The following CFDP1 variants were observed in gnomAD, a reference collection of about 807,000 sequenced individuals.
CFDP1 encodes heterochromatin-stabilizing protein CFDP1.
In CFDP1, 31 loss-of-function variants were observed where a neutral mutation model predicts 40.1. The observed-to-expected ratio is 0.77, with a 90% confidence interval of 0.58 to 1.04. The LOEUF (loss-of-function observed/expected upper bound fraction) is 1.04, where lower values mean the gene tolerates loss of function less well. Ranked by LOEUF, CFDP1 falls within the 50% of genes least tolerant of loss-of-function variation. The pLI is 0.00. For synonymous variants in CFDP1, 167 were observed against 120.0 expected (o/e 1.39, Z -2.56); for missense variants, 423 against 343.4 (o/e 1.23, Z -1.83).
At position 75,380,610 on chromosome 16, in the gene CFDP1, A is replaced by C. The variant is rs188844685; in HGVS notation, c.650+14480T>G. Among the ~76,000 whole-genome samples, 8 of 152,322 alleles carry C rather than the reference A, an allele frequency of 5.3e-5. No individual in the cohort carries two copies. The East Asian group carries it at 9.6e-4, about 18-fold the overall frequency. ...AGGAACAGAGAAGAAAGTGTATCTAAGCTTTTGGGCTGTAGCGGGTAGGAA... is the reference window on the plus strand; with the variant it reads ...AGGAACAGAGAAGAAAGTGTATCTACGCTTTTGGGCTGTAGCGGGTAGGAA... On this transcript the variant is annotated intron_variant, in intron 5 of 6. Coordinates refer to ENST00000283882, the MANE Select transcript of CFDP1 (RefSeq NM_006324.3).
intron 1 of CFDP1, among the ~76,000 whole-genome samples, chr16:75,420,031 G>C (rs1290375030): frequency 4.1e-5 from 6 of 147,612 alleles, no homozygotes; most frequent in African/African-American, 1.5e-4. Flanking sequence ...TCAGGTAACA[G>C]GTAGTCTCAG....
At chr16:75,414,716 G>T in intron 1 of CFDP1, 21 bp from the exon 2 acceptor site, 5 of 1,462,532 alleles carry the variant, frequency 3.4e-6, no homozygotes, top group South Asian at 2.3e-5. Context: ...ATAACAGGGT[G>T]ATCAGACAGG....
chr16:75,431,246 G>C (rs145836037), intron 1 of CFDP1, among the ~76,000 whole-genome samples: 1 of 151,862 alleles, frequency 6.6e-6, no homozygotes, highest in African/African-American at 2.4e-5. Flanking sequence ...GAGGTCAGGA[G>C]TTTGAAACAA....
intron 5 of CFDP1, among the ~76,000 whole-genome samples, chr16:75,386,137 T>TAA (rs528576218): frequency 6.8e-6 from 1 of 147,186 alleles, no homozygotes; most frequent in African/African-American, 2.5e-5. Flanking sequence ...AAAGTAAAAT[T>TAA]AAAAAAAAAA....
chr16:75,433,270 C>T lies in CFDP1; in HGVS notation c.64+19G>A, dbSNP rs756591611. On this transcript the variant is annotated intron_variant, in intron 1 of 6. Coordinates refer to ENST00000283882, the MANE Select transcript of CFDP1 (RefSeq NM_006324.3). The stretch of plus-strand genomic sequence containing the variant: ...TGGGGCGGGGCAATTCGCTTCTCGC[C>T]TCAGGCGGAATCGCTCACCCGACGG... 6 of 1,589,534 alleles carry T rather than the reference C, an allele frequency of 3.8e-6. No individual in the cohort carries two copies. Among genetic ancestry groups the T allele is most frequent in the Admixed American group, 1.7e-5 (1 of 58,298 alleles).
At chr16:75,385,475 G>A (rs11149818) in intron 5 of CFDP1, among the ~76,000 whole-genome samples, 73,943 of 151,740 alleles carry the variant, frequency 0.49, 19,774 homozygotes, top group Admixed American at 0.63. Context: ...CAAAGTTTTT[G>A]TATCCCAAGG....
At chr16:75,384,948 C>T (rs1235779586) in intron 5 of CFDP1, among the ~76,000 whole-genome samples, 3 of 133,198 alleles carry the variant, frequency 2.3e-5, no homozygotes, top group Non-Finnish European at 4.8e-5. Context: ...TAAGTATCTA[C>T]GAATGCAATA....
chr16:75,333,593 T>C (rs1342688088), intron 5 of CFDP1, among the ~76,000 whole-genome samples: 1 of 152,250 alleles, frequency 6.6e-6, no homozygotes, highest in African/African-American at 2.4e-5. Context: ...TTAGCAAATG[T>C]AGAACCATTA....
At chr16:75,363,099 T>TTAAG (rs1490447560) in intron 5 of CFDP1, 14 of 152,028 alleles carry the variant, frequency 9.2e-5, no homozygotes, top group African/African-American at 3.4e-4. Flanking sequence ...GACACAAGCG[T>TTAAG]TAAGTTAGTA....
intron 5 of CFDP1, among the ~76,000 whole-genome samples, chr16:75,360,167 T>C (rs774519412): frequency 2.6e-5 from 4 of 152,188 alleles, no homozygotes; most frequent in Non-Finnish European, 5.9e-5. Context: ...GTGCTGGGAT[T>C]ACAGGCATGA....
chr16:75,432,164 C>T (rs1203946321), intron 1 of CFDP1, among the ~76,000 whole-genome samples: 1 of 150,524 alleles, frequency 6.6e-6, no homozygotes, highest in Non-Finnish European at 1.5e-5. Flanking sequence ...CCCACCTCAG[C>T]CTCCCAAAGT....
intron 1 of CFDP1, among the ~76,000 whole-genome samples, chr16:75,423,076 C>A (rs1331839270): frequency 6.6e-6 from 1 of 151,738 alleles, no homozygotes; most frequent in Non-Finnish European, 1.5e-5. Flanking sequence ...GTCAGGAGAT[C>A]GAGACCATCC....
At chr16:75,324,217 T>C (rs78936672) in intron 5 of CFDP1, among the ~76,000 whole-genome samples, 11 of 151,682 alleles carry the variant, frequency 7.3e-5, no homozygotes, top group East Asian at 5.8e-4. Flanking sequence ...GGGAAAGCTA[T>C]AGAGAGGGTG....
rs182956833 is a variant in CFDP1, at chr16:75,293,894, C to T, written c.*58G>A. On this transcript the variant is annotated 3_prime_UTR_variant, in exon 7 of 7. Transcript: ENST00000283882. ...GAAACACTGTAAAACATTTCACAGA[C>T]GCACAAAAAGCTCACATTGTAAACA... 1,016 of 1,383,502 alleles carry T rather than the reference C, an allele frequency of 7.3e-4. 7 individuals carry two copies. Among genetic ancestry groups the T allele is most frequent in the South Asian group, 7.0e-3 (602 of 85,396 alleles). 85.7% of individuals were successfully genotyped at this position (1,383,502 alleles called of 1,614,324 possible). A position where few individuals can be genotyped will look rare whatever the true frequency, so the allele number is the denominator to read the frequency against.
At chr16:75,305,481 G>A (rs2078250814) in intron 5 of CFDP1, 1 of 304,352 alleles carries the variant, frequency 3.3e-6, no homozygotes, top group African/African-American at 2.1e-5. Context: ...GAGGGGAGGA[G>A]CAGCGCTTCA....
intron 6 of CFDP1, among the ~76,000 whole-genome samples, 156 bp downstream of exon 6, chr16:75,304,868 C>A (rs1236588700): frequency 2.6e-5 from 4 of 152,230 alleles, no homozygotes; most frequent in Admixed American, 2.0e-4. Context: ...CTGCCCCACA[C>A]TGGAACAGAG....
chr16:75,414,017 T>C (rs529778309), intron 2 of CFDP1, among the ~76,000 whole-genome samples: 2 of 152,322 alleles, frequency 1.3e-5, no homozygotes, highest in Non-Finnish European at 2.9e-5. Context: ...CACTGCACTC[T>C]TCTTTGTTGT....
At chr16:75,316,959 C>T (rs781437441) in intron 5 of CFDP1, among the ~76,000 whole-genome samples, 11 of 151,518 alleles carry the variant, frequency 7.3e-5, no homozygotes, top group African/African-American at 1.9e-4. Flanking sequence ...CCAGCCTGGG[C>T]GACAAGAGTG....
At chr16:75,346,649 A>T (rs927177617) in intron 5 of CFDP1, among the ~76,000 whole-genome samples, 1 of 149,414 alleles carries the variant, frequency 6.7e-6, no homozygotes, top group African/African-American at 2.5e-5. Flanking sequence ...GGAAGCAACA[A>T]TAAACTAAGT....
Sources: allele counts gnomAD v4.1 joint callset (sites outside exome capture counted in the v4.1 genomes callset), GRCh38; gene constraint gnomAD v4.1.1; transcripts MANE v1.5; gene names NCBI Gene and HGNC (gene_info 2026-07-23, HGNC 2026-07-21).